Variants in CSAD observed in about 807,000 individuals in gnomAD.
The protein encoded by CSAD is P-selectin cytoplasmic tail-associated protein.
In CSAD, 47 loss-of-function variants were observed where a neutral mutation model predicts 61.5. That is an observed-to-expected ratio of 0.76 (90% confidence interval 0.60 to 0.97). The LOEUF is 0.97. Among genes scored for constraint, CSAD ranks in the 50% least tolerant of loss-of-function variants. CSAD has a pLI of 0.00. For missense variants in CSAD, 611 were observed against 643.6 expected, an observed-to-expected ratio of 0.95 and a Z score of 0.55; for synonymous variants, 245 against 252.7, an observed-to-expected ratio of 0.97 and a Z score of 0.29.
At chr12:53,166,054 G>A (rs1359023270) in intron 10 of CSAD, among the ~76,000 whole-genome samples, 1 of 152,158 alleles carries the variant, frequency 6.6e-6, no homozygotes, top group South Asian at 2.1e-4. Context: ...AAATACCACC[G>A]GGTGCGGTGG....
At position 53,160,764 on chromosome 12, in the gene CSAD, G is replaced by C. The variant is rs199603070; in HGVS notation, c.965C>G (p.Ser322Trp). ...GTGCAGGGGCAGGGGCAGACCCACC[G>C]AGGTATCCTGGAGAAGAAGTGCAGA... The part of the protein sequence containing the change: ...QCSALLLQDT[S>W]NLLKRCHGSQ... The change falls in exon 13 of 17, where the codon TCG (serine) becomes TGG (tryptophan). Residue 322 changes from serine (S) to tryptophan (W), a missense_variant and splice_region_variant. By Grantham distance (177) the Ser-to-Trp change is radical. Transcript: ENST00000444623. The C allele has an allele frequency of 3.9e-6, 6 of 1,551,376 alleles. No individual in the cohort carries two copies. The highest frequency in any genetic ancestry group is 5.2e-6 in the Non-Finnish European group (6 of 1,146,850).
intron 8 of CSAD, chr12:53,170,718 G>GTT: frequency 2.0e-6 from 1 of 505,888 alleles, no homozygotes. Context: ...TTCTGCATTT[G>GTT]TTTGTTTTTT....
At position 53,157,798 on chromosome 12, in the gene CSAD, T is replaced by C. The variant is rs771626789; in HGVS notation, c.*713A>G. ...GTTTGTTTGTTTTTTTAAAGGAGTCTGTTTTAAAATTGCCTATTATCCTAT... is the reference window on the plus strand; with the variant it reads ...GTTTGTTTGTTTTTTTAAAGGAGTCCGTTTTAAAATTGCCTATTATCCTAT... On this transcript the variant is annotated 3_prime_UTR_variant, in exon 17 of 17. Coordinates refer to ENST00000444623, the MANE Select transcript of CSAD (RefSeq NM_001244705.2). 18 of 152,192 alleles carry C rather than the reference T, an allele frequency of 1.2e-4. No individual in the cohort carries two copies. Among genetic ancestry groups the C allele is most frequent in the Non-Finnish European group, 2.5e-4 (17 of 68,040 alleles). The allele number at this position is 152,192 out of a possible 1,614,324, so 9.4% of individuals were successfully genotyped here. A position where few individuals can be genotyped will look rare whatever the true frequency, so the allele number is the denominator to read the frequency against.
chr12:53,162,016 T>C (rs1939340801), intron 10 of CSAD, among the ~76,000 whole-genome samples: 1 of 150,618 alleles, frequency 6.6e-6, no homozygotes, highest in South Asian at 2.1e-4. Flanking sequence ...TCCCAGCACT[T>C]TGAGAAGCCA....
chr12:53,180,876 A>G lies in CSAD; in HGVS notation c.-235T>C, dbSNP rs1301376238. 1.6e-5 allele frequency: 19 copies of G among 1,210,108 alleles called. No individual in the cohort carries two copies. Among genetic ancestry groups the G allele is most frequent in the Non-Finnish European group, 2.0e-5 (19 of 948,246 alleles). The allele number at this position is 1,210,108 out of a possible 1,614,324, so 75.0% of individuals were successfully genotyped here. A position where few individuals can be genotyped will look rare whatever the true frequency, so the allele number is the denominator to read the frequency against. On this transcript the variant is annotated 5_prime_UTR_variant, in exon 1 of 17. Transcript: ENST00000444623. ...CCAAAGACCGCAGCGTCGTCCGTACAGACGGCAGCGCTTCAGTAGCTCGCA... is the reference window on the plus strand; with the variant it reads ...CCAAAGACCGCAGCGTCGTCCGTACGGACGGCAGCGCTTCAGTAGCTCGCA...
At chr12:53,160,731 TG>T in intron 13 of CSAD, 31 bp downstream of exon 13, 1 of 1,525,100 alleles carries the variant, frequency 6.6e-7, no homozygotes, top group Non-Finnish European at 8.9e-7. Flanking sequence ...CAGAGAGAGG[TG>T]GGGCTGGTGC....
chr12:53,173,304 A>T, intron 4 of CSAD, 41 bp downstream of exon 4: 1 of 1,557,104 alleles, frequency 6.4e-7, no homozygotes, highest in South Asian at 1.2e-5. Context: ...AAAAGAAAAG[A>T]AAGAAAGCTT....
intron 1 of CSAD, chr12:53,180,078 C>T: frequency 7.2e-7 from 1 of 1,394,104 alleles, no homozygotes; most frequent in Non-Finnish European, 9.3e-7. Flanking sequence ...CAGAGGAGGG[C>T]TGGGGCTTTG....
intron 10 of CSAD, among the ~76,000 whole-genome samples, chr12:53,167,806 G>A (rs1171044477): frequency 1.5e-4 from 23 of 152,212 alleles, no homozygotes; most frequent in Non-Finnish European, 1.5e-5. Context: ...CACTCTGGAA[G>A]ACAGTCTGGC....
intron 1 of CSAD, chr12:53,180,260 G>C (rs2293430): frequency 0.054 from 53,002 of 985,330 alleles, 1,564 homozygotes; most frequent in East Asian, 0.16. Context: ...ATTCGGAGAA[G>C]AACCACCTCG....
intron 16 of CSAD, among the ~76,000 whole-genome samples, chr12:53,159,070 T>C (rs1592296155): frequency 6.6e-6 from 1 of 152,244 alleles, no homozygotes; most frequent in African/African-American, 2.4e-5. Context: ...ATAATATTAA[T>C]CTGTGCCCTG....
intron 1 of CSAD, chr12:53,179,813 T>G (rs374224419): frequency 7.3e-5 from 118 of 1,613,716 alleles, no homozygotes; most frequent in Non-Finnish European, 9.8e-5. Flanking sequence ...TGACATCTCC[T>G]TCCATCAAGC....
chr12:53,172,107 A>G, intron 6 of CSAD, 119 bp from the exon 7 acceptor site: 1 of 765,880 alleles, frequency 1.3e-6, no homozygotes, highest in Non-Finnish European at 2.2e-6. Flanking sequence ...CAACAGTCCA[A>G]GGAGAAGAAC....
At chr12:53,167,334 G>A (rs972687799) in intron 10 of CSAD, among the ~76,000 whole-genome samples, 19 of 152,120 alleles carry the variant, frequency 1.2e-4, no homozygotes, top group Non-Finnish European at 2.4e-4. Flanking sequence ...CTACCCAAAG[G>A]GGCACCACCT....
Position 53,162,966 on chromosome 12 carries a change from C to A in CSAD, c.703-1577G>T, listed in dbSNP as rs568591243. On this transcript the variant is annotated intron_variant, in intron 10 of 16. Transcript: ENST00000444623. ...ATCCCAGCTACTCTGGAGGTTGAGG[C>A]AGGAGAATGGCTTAAACCCGGGAGG... Among the ~76,000 whole-genome samples, 51 of 151,378 alleles carry A rather than the reference C, an allele frequency of 3.4e-4. No individual in the cohort carries two copies. In the South Asian group the frequency reaches 5.4e-3, roughly 16 times the overall value.
chr12:53,173,567 C>G, intron 3 of CSAD, 91 bp from the exon 4 acceptor site: 1 of 1,605,248 alleles, frequency 6.2e-7, no homozygotes, highest in Non-Finnish European at 8.5e-7. Context: ...GGGCCTGAGG[C>G]CCAAACCCTG....
chr12:53,161,484 TA>T, intron 10 of CSAD, 95 bp from the exon 11 acceptor site: 6 of 949,434 alleles, frequency 6.3e-6, no homozygotes, highest in Non-Finnish European at 9.9e-6. Flanking sequence ...TTTGCATGCC[TA>T]AAATGGCCCA....
chr12:53,172,495 C>G, intron 5 of CSAD, 27 bp downstream of exon 5: 1 of 1,614,156 alleles, frequency 6.2e-7, no homozygotes. Flanking sequence ...ACTCCCAAGT[C>G]TCCTCCTCAC....
upstream of CSAD, chr12:53,181,011 C>G: frequency 1.2e-6 from 1 of 863,130 alleles, no homozygotes; most frequent in Non-Finnish European, 1.5e-6. Flanking sequence ...GCACACCGCC[C>G]CCTGCCCGCG....
Sources: gnomAD v4.1 joint callset for allele counts (sites outside exome capture counted in the v4.1 genomes callset) on GRCh38, gnomAD v4.1.1 for gene constraint, MANE v1.5 for transcripts, NCBI Gene and HGNC (gene_info 2026-07-23, HGNC 2026-07-21) for gene names.